Variants in ANO2 observed in about 807,000 individuals in gnomAD.
The protein encoded by ANO2 is anoctamin-2.
In ANO2, 101 loss-of-function variants were observed where a neutral mutation model predicts 124.2. That is an observed-to-expected ratio of 0.81 (90% CI 0.69 to 0.96). ANO2 has a LOEUF of 0.96. Ranked by LOEUF, ANO2 falls within the 40% of genes least tolerant of loss-of-function variation. The probability of loss-of-function intolerance (pLI) is 0.00; values close to 1 mark genes in which losing one functional copy is unlikely to be tolerated. For synonymous variants in ANO2, 486 were observed against 482.5 expected (o/e 1.01, Z -0.09); for missense variants, 1,293 against 1,274.5 (o/e 1.01, Z -0.22).
chr12:5,835,081 C>G (rs1245828116), intron 4 of ANO2, among the ~76,000 whole-genome samples: 1 of 152,128 alleles, frequency 6.6e-6, no homozygotes, highest in Non-Finnish European at 1.5e-5. Context: ...AGTTTTATAT[C>G]TTGTTTTGGT....
intron 22 of ANO2, 89 bp downstream of exon 22, chr12:5,577,866 G>A (rs1942502222): frequency 1.5e-6 from 2 of 1,334,356 alleles, no homozygotes; most frequent in Admixed American, 2.0e-5. Context: ...AGGCTGGGAG[G>A]TGCAAGGGCT....
At chr12:5,648,780 C>T (rs1435226570) in intron 14 of ANO2, among the ~76,000 whole-genome samples, 1 of 152,190 alleles carries the variant, frequency 6.6e-6, no homozygotes, top group African/African-American at 2.4e-5. Context: ...TGGCAGAGCA[C>T]TCCCTGCCAG....
At chr12:5,575,057 G>T (rs901396604) in intron 23 of ANO2, among the ~76,000 whole-genome samples, 1 of 151,846 alleles carries the variant, frequency 6.6e-6, no homozygotes, top group Non-Finnish European at 1.5e-5. Flanking sequence ...TGCCCATGAC[G>T]ACTCCCCACC....
intron 3 of ANO2, 112 bp from the exon 4 acceptor site, chr12:5,854,253 C>T (rs1565725284): frequency 4.3e-6 from 4 of 940,536 alleles, no homozygotes; most frequent in Non-Finnish European, 6.5e-6. Flanking sequence ...TTCAGTTTCT[C>T]GTTTTCGTTC....
chr12:5,757,980 G>A (rs1266806607), intron 10 of ANO2, among the ~76,000 whole-genome samples: 1 of 152,166 alleles, frequency 6.6e-6, no homozygotes, highest in Non-Finnish European at 1.5e-5. Flanking sequence ...TCATAAGGAA[G>A]ATAATGGGTA....
At chr12:5,737,956 T>C (rs1018492214) in intron 13 of ANO2, among the ~76,000 whole-genome samples, 3 of 152,244 alleles carry the variant, frequency 2.0e-5, no homozygotes, top group Non-Finnish European at 4.4e-5. Flanking sequence ...TCAGGGTATA[T>C]GCGAAATACC....
intron 14 of ANO2, among the ~76,000 whole-genome samples, chr12:5,720,345 C>T (rs2137050856): frequency 6.6e-6 from 1 of 152,244 alleles, no homozygotes; most frequent in African/African-American, 2.4e-5. Context: ...TTTTTTAAAC[C>T]AGCACTTTTG....
intron 23 of ANO2, among the ~76,000 whole-genome samples, chr12:5,566,980 T>C (rs1229288976): frequency 6.6e-6 from 1 of 152,196 alleles, no homozygotes; most frequent in Admixed American, 6.5e-5. Flanking sequence ...TGTTTTCCAT[T>C]GTCCAAAGAG....
At position 5,676,394 on chromosome 12, in the gene ANO2, C is replaced by T. The variant is rs145115494; in HGVS notation, c.1546-28593G>A. Reference sequence around the variant, plus strand: ...TGGTTTTAGAAGCATCGTGCCAAAACGCCAGGCTAAGTATGGCTCCCTGTT... The same window carrying T: ...TGGTTTTAGAAGCATCGTGCCAAAATGCCAGGCTAAGTATGGCTCCCTGTT... On this transcript the variant is annotated intron_variant, in intron 14 of 24. Transcript: ENST00000682330. Among the ~76,000 whole-genome samples, 561 of 152,252 alleles carry T rather than the reference C, an allele frequency of 3.7e-3. 4 individuals carry two copies. Among genetic ancestry groups the T allele is most frequent in the African/African-American group, 0.012 (488 of 41,546 alleles).
At chr12:5,591,793 T>G (rs1411432711) in intron 20 of ANO2, among the ~76,000 whole-genome samples, 1 of 152,172 alleles carries the variant, frequency 6.6e-6, no homozygotes, top group East Asian at 1.9e-4. Context: ...CCTGAAACTC[T>G]GGAGGGAACA....
intron 9 of ANO2, among the ~76,000 whole-genome samples, chr12:5,804,809 C>A (rs1037704959): frequency 1.6e-4 from 24 of 152,150 alleles, no homozygotes; most frequent in Non-Finnish European, 3.2e-4. Flanking sequence ...TGACTGATCT[C>A]TCCTATGACT....
chr12:5,783,236 CT>C (rs1952453340), intron 10 of ANO2, among the ~76,000 whole-genome samples: 1 of 152,194 alleles, frequency 6.6e-6, no homozygotes, highest in Non-Finnish European at 1.5e-5. Context: ...TACATTTTAT[CT>C]TGTTGGTTTT....
At chr12:5,834,996 A>T (rs1366287258) in intron 4 of ANO2, among the ~76,000 whole-genome samples, 1 of 145,572 alleles carries the variant, frequency 6.9e-6, no homozygotes, top group Admixed American at 7.4e-5. Flanking sequence ...GATGCGTAGT[A>T]TTACACAGTA....
At chr12:5,937,890 A>AAG (rs1284829950) in intron 1 of ANO2, among the ~76,000 whole-genome samples, 1 of 152,168 alleles carries the variant, frequency 6.6e-6, no homozygotes, top group Non-Finnish European at 1.5e-5. Context: ...TCTTACTCCT[A>AAG]AAACAAAGCC....
intron 14 of ANO2, among the ~76,000 whole-genome samples, chr12:5,707,495 A>G (rs1428233482): frequency 6.6e-6 from 1 of 150,702 alleles, no homozygotes; most frequent in Admixed American, 6.6e-5. Flanking sequence ...GGATGGGTCC[A>G]TAGTATCCTT....
intron 16 of ANO2, among the ~76,000 whole-genome samples, chr12:5,620,531 G>C (rs924887286): frequency 2.0e-5 from 3 of 151,960 alleles, no homozygotes; most frequent in Non-Finnish European, 2.9e-5. Context: ...AATTCTATAG[G>C]GGCTAAATTG....
intron 10 of ANO2, among the ~76,000 whole-genome samples, chr12:5,753,951 C>G (rs1951507104): frequency 6.6e-6 from 1 of 152,030 alleles, no homozygotes; most frequent in African/African-American, 2.4e-5. Flanking sequence ...GCATTTTTGC[C>G]TTATTCCAGA....
rs1565614619 is a variant in ANO2, at chr12:5,727,634, C to CTTTT, written c.1545+4885_1545+4886insAAAA. ...GCAAGGAAGTCCATTCTCACCACTT[C>CTTTT]CTTTTTTTTTTTTTTTTTTTTGAGA... On this transcript the variant is annotated intron_variant, in intron 14 of 24. Transcript: ENST00000682330. Among the ~76,000 whole-genome samples the CTTTT allele has an allele frequency of 1.5e-5, 2 of 133,736 alleles. 1 individual carries two copies. The highest frequency in any genetic ancestry group is 3.2e-5 in the Non-Finnish European group (2 of 62,404). The allele number at this position is 133,736 out of a possible 152,430, so 87.7% of individuals were successfully genotyped here.
chr12:5,607,825 G>C (rs1438223749), intron 19 of ANO2, among the ~76,000 whole-genome samples: 1 of 152,150 alleles, frequency 6.6e-6, no homozygotes. Flanking sequence ...CCCCAGATGG[G>C]ACTGTCTAGT....
Sources: allele counts gnomAD v4.1 joint callset (sites outside exome capture counted in the v4.1 genomes callset), GRCh38; gene constraint gnomAD v4.1.1; transcripts MANE v1.5; gene names NCBI Gene and HGNC (gene_info 2026-07-23, HGNC 2026-07-21).